The following CLRN3 variants were observed in gnomAD, a reference collection of about 807,000 sequenced individuals.
CLRN3 encodes clarin 3.
Under a neutral mutation model 16.7 loss-of-function variants are expected in CLRN3, and 12 were observed. The ratio of observed to expected loss-of-function variants is 0.72; its 90% CI spans 0.46 to 1.16. The LOEUF (loss-of-function observed/expected upper bound fraction) is 1.16. Ranked by LOEUF, CLRN3 falls within the 50% of genes most tolerant of loss-of-function variation. CLRN3 has a pLI of 0.00. For missense variants in CLRN3, 296 were observed against 274.2 expected (o/e 1.08, Z -0.56); for synonymous variants, 118 against 113.0 (o/e 1.04, Z -0.28).
At chr10:127,879,353 G>A (rs548211804) in intron 2 of CLRN3, among the ~76,000 whole-genome samples, 2 of 152,158 alleles carry the variant, frequency 1.3e-5, no homozygotes, top group South Asian at 2.1e-4. Flanking sequence ...CACCTGCCTC[G>A]GCCTCCAAAA....
chr10:127,883,721 C>T lies in CLRN3; in HGVS notation c.384G>A (p.Gly128=). 2 of 1,613,654 alleles carry T rather than the reference C, an allele frequency of 1.2e-6. No individual in the cohort carries two copies. Among genetic ancestry groups the T allele is most frequent in the East Asian group, 2.2e-5 (1 of 44,874 alleles). Residue 128 remains glycine, a synonymous_variant, in exon 2 of 3, where the codon GGG becomes GGA. Transcript: ENST00000368671. The part of the protein sequence containing the change: ...NPYQTFLGPT[G]VYTWNGLGAS... ...CACCGAGCCCGTTCCAGGTGTACAC[C>T]CCCGTCGGCCCCAGGAATGTCTGGT...
chr10:127,879,891 C>T (rs1042496428), intron 2 of CLRN3, among the ~76,000 whole-genome samples: 7 of 152,088 alleles, frequency 4.6e-5, no homozygotes, highest in African/African-American at 1.4e-4. Context: ...GCACGGGGGC[C>T]GCCAGGGGAT....
rs761057423 is a variant in CLRN3, at chr10:127,878,359, G to A, written c.471C>T (p.Ser157=). Reference sequence around the variant, plus strand: ...GGTAAAGCATTTGGAACAACTCTTCGGAGAGTTGGTTGGACTGCGTGTTCG... The same window carrying A: ...GGTAAAGCATTTGGAACAACTCTTCAGAGAGTTGGTTGGACTGCGTGTTCG... The part of the protein sequence containing the change: ...FVANTQSNQL[S]EELFQMLYPA... The change falls in exon 3 of 3, where the codon TCC becomes TCT. Residue 157 remains serine (S), a synonymous_variant. Transcript: ENST00000368671. 18 of 1,614,034 alleles carry A rather than the reference G, an allele frequency of 1.1e-5. No homozygotes were observed. The highest frequency in any genetic ancestry group is 6.6e-5 in the South Asian group (6 of 91,060).
At chr10:127,884,919 A>G (rs2135081536) in intron 1 of CLRN3, among the ~76,000 whole-genome samples, 1 of 152,332 alleles carries the variant, frequency 6.6e-6, no homozygotes, top group South Asian at 2.1e-4. Flanking sequence ...TCACCAGGAC[A>G]TGGGAGAAAG....
Position 127,883,885 on chromosome 10 carries a change from T to C in CLRN3, c.230-10A>G, listed in dbSNP as rs2135080592. On this transcript the variant is annotated splice_polypyrimidine_tract_variant and intron_variant, in intron 1 of 2. Coordinates refer to ENST00000368671, the MANE Select transcript of CLRN3 (RefSeq NM_152311.5). ...TTCAGTATCTCTAAAACTAAAACAA[T>C]GTTTTGTGAGTGCATAGCACATAAT... 1 of 1,613,682 alleles carries C rather than the reference T, an allele frequency of 6.2e-7. No homozygotes were observed. Among genetic ancestry groups the C allele is most frequent in the East Asian group, 2.2e-5 (1 of 44,884 alleles).
At chr10:127,880,667 G>C (rs910953457) in intron 2 of CLRN3, among the ~76,000 whole-genome samples, 1 of 152,146 alleles carries the variant, frequency 6.6e-6, no homozygotes, top group Non-Finnish European at 1.5e-5. Flanking sequence ...GGTAGGCTGA[G>C]GTCAGAGGTC....
intron 1 of CLRN3, among the ~76,000 whole-genome samples, chr10:127,886,000 C>T (rs1845189615): frequency 6.6e-6 from 1 of 152,140 alleles, no homozygotes. Flanking sequence ...GGTGATCTGC[C>T]CGCCTTGGCC....
At chr10:127,883,932 G>A (rs776343486) in intron 1 of CLRN3, 57 bp from the exon 2 acceptor site, 4 of 1,510,008 alleles carry the variant, frequency 2.6e-6, no homozygotes, top group Admixed American at 1.7e-5. Context: ...CTCTGGCCTG[G>A]CATTCCTCCC....
chr10:127,889,415 G>A (rs1845233636), intron 1 of CLRN3, among the ~76,000 whole-genome samples: 1 of 152,172 alleles, frequency 6.6e-6, no homozygotes, highest in Non-Finnish European at 1.5e-5. Flanking sequence ...CTTGAGGTCA[G>A]GAGTTTGAGA....
At position 127,877,900 on chromosome 10, in the gene CLRN3, C is replaced by T. The variant is rs912800290; in HGVS notation, c.*249G>A. ...GATCGTGAGACCAGGTCAGAAGGGTCGTTACGCTCATCATGATACTACTGC... is the reference window on the plus strand; with the variant it reads ...GATCGTGAGACCAGGTCAGAAGGGTTGTTACGCTCATCATGATACTACTGC... On this transcript the variant is annotated 3_prime_UTR_variant, in exon 3 of 3. Coordinates refer to ENST00000368671, the MANE Select transcript of CLRN3 (RefSeq NM_152311.5). 1.3e-4 allele frequency: 62 copies of T among 486,834 alleles called. No individual in the cohort carries two copies. Among genetic ancestry groups the T allele is most frequent in the Non-Finnish European group, 1.9e-4 (52 of 268,308 alleles). 30.2% of individuals were successfully genotyped at this position (486,834 alleles called of 1,614,324 possible).
intron 1 of CLRN3, among the ~76,000 whole-genome samples, chr10:127,890,222 G>T (rs1198477298): frequency 6.6e-6 from 1 of 152,204 alleles, no homozygotes; most frequent in Non-Finnish European, 1.5e-5. Context: ...AACTTTGGGA[G>T]TAGCAAAGAC....
chr10:127,891,482 C>T (rs1425342471), intron 1 of CLRN3, among the ~76,000 whole-genome samples: 1 of 152,172 alleles, frequency 6.6e-6, no homozygotes, highest in Non-Finnish European at 1.5e-5. Context: ...GTTCCCCATC[C>T]TTATGGGAAG....
In CLRN3 at chr10:127,884,667, T is replaced by C. The variant is rs1266572272; in HGVS notation, c.230-792A>G. ...GAGCTCCAGGCATGGAAGGACACTCTTATAACATGAAGCAAAGGTGCCCTG... is the reference window on the plus strand; with the variant it reads ...GAGCTCCAGGCATGGAAGGACACTCCTATAACATGAAGCAAAGGTGCCCTG... On this transcript the variant is annotated intron_variant, in intron 1 of 2. Transcript: ENST00000368671. Among the ~76,000 whole-genome samples the C allele has an allele frequency of 3.3e-5, 5 of 152,368 alleles. No homozygotes were observed. In the East Asian group the frequency reaches 9.6e-4, roughly 29 times the overall value.
chr10:127,880,508 C>G (rs1405090321), intron 2 of CLRN3, among the ~76,000 whole-genome samples: 2 of 152,212 alleles, frequency 1.3e-5, no homozygotes, highest in African/African-American at 4.8e-5. Context: ...CTCCTGATCA[C>G]TTTCCACTCT....
intron 1 of CLRN3, among the ~76,000 whole-genome samples, chr10:127,892,136 T>G (rs1297809599): frequency 4.6e-5 from 7 of 152,206 alleles, no homozygotes; most frequent in Admixed American, 4.6e-4. Flanking sequence ...ATAGAGATAA[T>G]AAATTTTCCA....
At position 127,892,926 on chromosome 10, in the gene CLRN3, A is replaced by G; in HGVS notation, c.-142T>C. On this transcript the variant is annotated 5_prime_UTR_variant, in exon 1 of 3. Coordinates refer to ENST00000368671, the MANE Select transcript of CLRN3 (RefSeq NM_152311.5). ...ATATAAAATCTCACTCTTCCTGAGG[A>G]AGGGTTATGCTAATGGACATTGAAC... 1 of 621,128 alleles carries G rather than the reference A, an allele frequency of 1.6e-6. No individual in the cohort carries two copies. Among genetic ancestry groups the G allele is most frequent in the East Asian group, 2.7e-5 (1 of 36,696 alleles). 38.5% of individuals were successfully genotyped at this position (621,128 alleles called of 1,614,324 possible). A position where few individuals can be genotyped will look rare whatever the true frequency, so the allele number is the denominator to read the frequency against.
Position 127,878,402 on chromosome 10 carries a change from G to A in CLRN3, c.428C>T (p.Thr143Ile). ...NGLGASFVFV[T>I]MILFVANTQS... Reference sequence around the variant, plus strand: ...CGTGTTCGCCACAAACAGTATCATGGTCACAAAAACGAAGGATGCTGAAAG... The same window carrying A: ...CGTGTTCGCCACAAACAGTATCATGATCACAAAAACGAAGGATGCTGAAAG... Residue 143 changes from threonine to isoleucine, a missense_variant, in exon 3 of 3, where the codon ACC (threonine) becomes ATC (isoleucine). Transcript: ENST00000368671. The A allele has an allele frequency of 6.2e-7, 1 of 1,613,898 alleles. No individual in the cohort carries two copies.
At chr10:127,879,093 T>C (rs1845095324) in intron 2 of CLRN3, among the ~76,000 whole-genome samples, 3 of 152,166 alleles carry the variant, frequency 2.0e-5, no homozygotes, top group Admixed American at 2.0e-4. Flanking sequence ...CTTCACAATA[T>C]CCTCCACTAG....
At chr10:127,891,980 A>T (rs1218892786) in intron 1 of CLRN3, among the ~76,000 whole-genome samples, 1 of 143,700 alleles carries the variant, frequency 7.0e-6, no homozygotes, top group Admixed American at 7.1e-5. Context: ...AGAGGAGGGC[A>T]TTATTATATA....
Sources: gnomAD v4.1 joint callset for allele counts (sites outside exome capture counted in the v4.1 genomes callset) on GRCh38, gnomAD v4.1.1 for gene constraint, MANE v1.5 for transcripts, NCBI Gene and HGNC (gene_info 2026-07-23, HGNC 2026-07-21) for gene names.